GLIS3: variants seen among roughly 807,000 people sequenced by gnomAD.
The protein encoded by GLIS3 is GLIS family zinc finger 3.
A neutral mutation model predicts 78.6 loss-of-function variants in GLIS3; 53 were observed. That is an observed-to-expected ratio of 0.67 (90% CI 0.54 to 0.85). The LOEUF is 0.85. Ranked by LOEUF, GLIS3 falls within the 40% of genes least tolerant of loss-of-function variation. The pLI is 0.00. For missense variants in GLIS3, 1,703 were observed against 1,231.1 expected, an observed-to-expected ratio of 1.38 and a Z score of -5.74; for synonymous variants, 684 against 509.9, an observed-to-expected ratio of 1.34 and a Z score of -4.60.
rs780074576 is a variant in GLIS3 at position 4,117,929 on chromosome 9, G to C, written c.1549C>G (p.Leu517Val). 1 of 1,614,032 alleles carries C rather than the reference G, an allele frequency of 6.2e-7. No homozygotes were observed. ...TGGACCTTCTCGATGTGCCGCACGA[G>C]CTCCTCCTGCTGGTCGTACAGGGCG... ...CSALYDQQEE[L>V]VRHIEKVHID... The change falls in exon 4 of 11, where the codon CTC becomes GTC. Residue 517 changes from leucine (L) to valine (V), a missense_variant. By Grantham distance (32) the Leu-to-Val change is conservative. Transcript: ENST00000381971.
At chr9:4,183,208 T>A (rs1281756346) in intron 2 of GLIS3, among the ~76,000 whole-genome samples, 2 of 152,162 alleles carry the variant, frequency 1.3e-5, no homozygotes, top group African/African-American at 4.8e-5. Context: ...AGGTGGTAGA[T>A]ATCATAGGAA....
chr9:4,000,371 G>A (rs1334202422), intron 4 of GLIS3, among the ~76,000 whole-genome samples: 1 of 152,110 alleles, frequency 6.6e-6, no homozygotes, highest in Admixed American at 6.5e-5. Context: ...GAAAATTAAA[G>A]TAGTAATGTC....
At chr9:4,290,251 T>C (rs1010127817) in intron 1 of GLIS3, among the ~76,000 whole-genome samples, 2 of 152,156 alleles carry the variant, frequency 1.3e-5, no homozygotes, top group South Asian at 4.1e-4. Context: ...ACATTTTCCA[T>C]TTCTTATGCC....
chr9:4,245,546 G>A (rs1417769674), intron 2 of GLIS3, among the ~76,000 whole-genome samples: 1 of 152,212 alleles, frequency 6.6e-6, no homozygotes, highest in Non-Finnish European at 1.5e-5. Flanking sequence ...ATAAATGTAA[G>A]GATGTGCAGT....
intron 2 of GLIS3, among the ~76,000 whole-genome samples, chr9:4,159,072 C>G (rs151037307): frequency 2.0e-5 from 3 of 147,654 alleles, no homozygotes. Context: ...GCAATGTACT[C>G]GGCAAGGGAG....
At chr9:4,485,971 C>G in the GLIS3 span, among the ~76,000 whole-genome samples, 2 of 152,180 alleles carry the variant, frequency 1.3e-5, no homozygotes, top group African/African-American at 4.8e-5. Flanking sequence ...ATCCACCCCC[C>G]TTGGCCTCCC....
chr9:3,931,417 G>A (rs1013506228), intron 6 of GLIS3, among the ~76,000 whole-genome samples: 34 of 152,032 alleles, frequency 2.2e-4, no homozygotes, highest in Non-Finnish European at 4.3e-4. Flanking sequence ...CTTGCCATGG[G>A]GTTCAATCAC....
chr9:4,327,374 TC>T (rs1222721525), intron 2 of GLIS3, among the ~76,000 whole-genome samples: 1 of 151,938 alleles, frequency 6.6e-6, no homozygotes, highest in Non-Finnish European at 1.5e-5. Flanking sequence ...GATATTGTGA[TC>T]CAGTTTGAGC....
intron 2 of GLIS3, among the ~76,000 whole-genome samples, chr9:4,267,929 C>T (rs527492094): frequency 0.028 from 4,117 of 146,786 alleles, 86 homozygotes; most frequent in Middle Eastern, 0.072. Flanking sequence ...AAGTAAAAAA[C>T]AGATTATAAA....
At chr9:4,361,486 G>A in the GLIS3 span, among the ~76,000 whole-genome samples, 4 of 152,168 alleles carry the variant, frequency 2.6e-5, no homozygotes, top group African/African-American at 4.8e-5. Context: ...GGTTGACCCC[G>A]TTCCCTTCCA....
At chr9:4,398,573 G>A in the GLIS3 span, among the ~76,000 whole-genome samples, 1 of 152,060 alleles carries the variant, frequency 6.6e-6, no homozygotes, top group Non-Finnish European at 1.5e-5. Context: ...CAATTTAAGG[G>A]CTAGGTCAGC....
intron 2 of GLIS3, among the ~76,000 whole-genome samples, chr9:4,346,605 G>C (rs10814946): frequency 0.96 from 145,518 of 152,214 alleles, 69,874 homozygotes; most frequent in East Asian, 1. Context: ...CACCTTTATG[G>C]CCATCCTTGG....
chr9:4,335,156 C>T (rs552067929), intron 2 of GLIS3, among the ~76,000 whole-genome samples: 2 of 152,218 alleles, frequency 1.3e-5, no homozygotes, highest in East Asian at 1.9e-4. Flanking sequence ...GATCCACCCG[C>T]CTTGGCATCC....
At chr9:4,463,004 C>T in the GLIS3 span, among the ~76,000 whole-genome samples, 1 of 152,264 alleles carries the variant, frequency 6.6e-6, no homozygotes, top group Admixed American at 6.5e-5. Flanking sequence ...CATGTCTGTA[C>T]CAACAATCTT....
chr9:3,942,131 CA>C (rs1588278827), intron 4 of GLIS3, among the ~76,000 whole-genome samples: 1 of 152,186 alleles, frequency 6.6e-6, no homozygotes, highest in African/African-American at 2.4e-5. Flanking sequence ...ATATTCAAAG[CA>C]GTAGTAACAG....
intron 2 of GLIS3, among the ~76,000 whole-genome samples, chr9:4,312,283 C>A (rs539640083): frequency 2.0e-5 from 3 of 152,210 alleles, no homozygotes; most frequent in Non-Finnish European, 4.4e-5. Context: ...TCCTGGCCAA[C>A]ATGGCAAAAC....
the GLIS3 span, among the ~76,000 whole-genome samples, chr9:4,469,114 G>A: frequency 1.3e-5 from 2 of 152,182 alleles, no homozygotes; most frequent in South Asian, 4.1e-4. Flanking sequence ...CACCCAATAT[G>A]GGAGCACCCA....
intron 4 of GLIS3, among the ~76,000 whole-genome samples, chr9:3,958,004 A>G (rs960212216): frequency 7.2e-5 from 11 of 152,210 alleles, no homozygotes; most frequent in African/African-American, 2.7e-4. Context: ...TCACACTCCT[A>G]AAGTTCTTTA....
the GLIS3 span, among the ~76,000 whole-genome samples, chr9:4,368,949 C>G: frequency 6.6e-6 from 1 of 152,112 alleles, no homozygotes; most frequent in Non-Finnish European, 1.5e-5. Context: ...TTTATGTTAA[C>G]CAAGGGCTTA....
Sources: gnomAD v4.1 joint callset for allele counts (sites outside exome capture counted in the v4.1 genomes callset) on GRCh38, gnomAD v4.1.1 for gene constraint, MANE v1.5 for transcripts, NCBI Gene and HGNC (gene_info 2026-07-23, HGNC 2026-07-21) for gene names.